The following KCTD16 variants were observed in gnomAD, a reference collection of about 807,000 sequenced individuals.
KCTD16 encodes the protein potassium channel tetramerization domain containing 16.
A neutral mutation model predicts 33.2 loss-of-function variants in KCTD16; 13 were observed. That is an observed-to-expected ratio of 0.39 (90% CI 0.25 to 0.62). The LOEUF is 0.62. Ranked by LOEUF, KCTD16 falls within the 20% of genes least tolerant of loss-of-function variation. The pLI is 0.50. For missense variants in KCTD16, 441 were observed against 525.1 expected (o/e 0.84, Z 1.57); for synonymous variants, 197 against 195.3 (o/e 1.01, Z -0.07).
At chr5:144,268,602 T>A (rs1406426009) in intron 3 of KCTD16, among the ~76,000 whole-genome samples, 4 of 152,138 alleles carry the variant, frequency 2.6e-5, no homozygotes. Flanking sequence ...ACAATAATTT[T>A]AAAAAGTAGA....
chr5:144,436,123 G>T (rs1192511450), intron 3 of KCTD16, among the ~76,000 whole-genome samples: 1 of 152,190 alleles, frequency 6.6e-6, no homozygotes, highest in Non-Finnish European at 1.5e-5. Flanking sequence ...GTGCAGATGT[G>T]ACTACAAGGT....
At chr5:144,473,574 T>G in intron 3 of KCTD16, 86 bp from the exon 4 acceptor site, 1 of 1,240,956 alleles carries the variant, frequency 8.1e-7, no homozygotes, top group South Asian at 1.5e-5. Flanking sequence ...CTCTTATGTG[T>G]GTTTCTGTGT....
At chr5:144,419,454 C>A (rs558207659) in intron 3 of KCTD16, among the ~76,000 whole-genome samples, 2 of 152,298 alleles carry the variant, frequency 1.3e-5, no homozygotes, top group East Asian at 1.9e-4. Flanking sequence ...ACAAGGTATA[C>A]TCTTGTCAAC....
At chr5:144,231,302 T>G (rs1754095318) in intron 3 of KCTD16, among the ~76,000 whole-genome samples, 1 of 152,104 alleles carries the variant, frequency 6.6e-6, no homozygotes, top group Non-Finnish European at 1.5e-5. Flanking sequence ...TGTATTTGAT[T>G]AAAAATATAG....
chr5:144,328,599 T>A (rs1389741258), intron 3 of KCTD16, among the ~76,000 whole-genome samples: 1 of 152,118 alleles, frequency 6.6e-6, no homozygotes, highest in Non-Finnish European at 1.5e-5. Flanking sequence ...CTGTTGTTTT[T>A]CATGTGCATT....
chr5:144,200,763 G>T (rs1753028886), intron 2 of KCTD16, among the ~76,000 whole-genome samples: 1 of 152,090 alleles, frequency 6.6e-6, no homozygotes, highest in Non-Finnish European at 1.5e-5. Context: ...TTTGAGGTAG[G>T]GTCTCACTCT....
chr5:144,219,513 CTTT>C (rs59442398), intron 3 of KCTD16, among the ~76,000 whole-genome samples: 9 of 77,126 alleles, frequency 1.2e-4, no homozygotes, highest in African/African-American at 5.0e-4. Context: ...TGTGCTGGGC[CTTT>C]TTTTTTTTTT....
intron 3 of KCTD16, among the ~76,000 whole-genome samples, chr5:144,404,284 G>A (rs561901567): frequency 1.3e-5 from 2 of 152,206 alleles, no homozygotes; most frequent in South Asian, 2.1e-4. Flanking sequence ...ATATAGCAAA[G>A]AGAATAGTTT....
rs984240917 is a variant in KCTD16, at chr5:144,481,457, T to A, written c.*7343T>A. The stretch of plus-strand genomic sequence containing the variant: ...TCCTTGTTTCCAAACATGTGACAAG[T>A]CTAAGCACAAGTCCTTGCTACTGAG... On this transcript the variant is annotated 3_prime_UTR_variant, in exon 4 of 4. Coordinates refer to ENST00000512467, the MANE Select transcript of KCTD16 (RefSeq NM_020768.4). The A allele has an allele frequency of 1.3e-5, 2 of 151,896 alleles. No homozygotes were observed. Among genetic ancestry groups the A allele is most frequent in the African/African-American group, 2.4e-5 (1 of 41,374 alleles). The allele number at this position is 151,896 out of a possible 1,614,324, so 9.4% of individuals were successfully genotyped here.
At chr5:144,435,695 A>ATT (rs942243407) in intron 3 of KCTD16, among the ~76,000 whole-genome samples, 1 of 152,106 alleles carries the variant, frequency 6.6e-6, no homozygotes, top group African/African-American at 2.4e-5. Flanking sequence ...AGTTGGGGTT[A>ATT]TTTACACCGC....
intron 3 of KCTD16, among the ~76,000 whole-genome samples, chr5:144,346,483 A>C (rs1293779512): frequency 6.6e-6 from 1 of 152,040 alleles, no homozygotes; most frequent in African/African-American, 2.4e-5. Flanking sequence ...AACAGTGTAC[A>C]CCGAAGATTC....
chr5:144,302,632 A>G (rs1751473005), intron 3 of KCTD16, among the ~76,000 whole-genome samples: 1 of 152,314 alleles, frequency 6.6e-6, no homozygotes, highest in Admixed American at 6.5e-5. Context: ...AGCTTCCTGA[A>G]TACTTATTAT....
rs1754719652 is a variant in KCTD16, at chr5:144,482,341, G to A, written c.*8227G>A. On this transcript the variant is annotated 3_prime_UTR_variant, in exon 4 of 4. Coordinates refer to ENST00000512467, the MANE Select transcript of KCTD16 (RefSeq NM_020768.4). ...AATAATGTTGTAGAACAAGTATCTG[G>A]TGAGTACTGATACCCTAAGAAACTC... 1 of 151,908 alleles carries A rather than the reference G, an allele frequency of 6.6e-6. No homozygotes were observed. Among genetic ancestry groups the A allele is most frequent in the South Asian group, 2.1e-4 (1 of 4,828 alleles). The allele number at this position is 151,908 out of a possible 1,614,324, so 9.4% of individuals were successfully genotyped here.
At chr5:144,198,679 G>A (rs1383001918) in intron 2 of KCTD16, among the ~76,000 whole-genome samples, 1 of 152,188 alleles carries the variant, frequency 6.6e-6, no homozygotes, top group Non-Finnish European at 1.5e-5. Context: ...GAATGAGCCA[G>A]CCTGTTCATT....
intron 3 of KCTD16, among the ~76,000 whole-genome samples, chr5:144,457,381 G>A (rs926955486): frequency 1.3e-5 from 2 of 152,196 alleles, no homozygotes; most frequent in African/African-American, 4.8e-5. Context: ...TAGGGGCACT[G>A]GAGTTAGGAA....
In KCTD16 at chr5:144,301,550, A is replaced by G. The variant is rs533475083; in HGVS notation, c.832+94004A>G. Among the ~76,000 whole-genome samples the G allele has an allele frequency of 2.6e-5, 4 of 152,192 alleles. No individual in the cohort carries two copies. In the South Asian group the frequency reaches 6.2e-4, roughly 24 times the overall value. ...CTTTCTTTGTTTCTAGCGAAATTCT[A>G]TGTATATAGTAGGTGCTTGGAAAAT... On this transcript the variant is annotated intron_variant, in intron 3 of 3. Coordinates refer to ENST00000512467, the MANE Select transcript of KCTD16 (RefSeq NM_020768.4).
intron 3 of KCTD16, among the ~76,000 whole-genome samples, chr5:144,372,965 A>G (rs993402917): frequency 2.6e-5 from 4 of 152,184 alleles, no homozygotes; most frequent in African/African-American, 9.7e-5. Context: ...TAGAAGGGTT[A>G]TAATAATCTG....
At chr5:144,319,038 T>C (rs1752003696) in intron 3 of KCTD16, among the ~76,000 whole-genome samples, 1 of 152,048 alleles carries the variant, frequency 6.6e-6, no homozygotes, top group Non-Finnish European at 1.5e-5. Context: ...AAATAACTAA[T>C]GCATGAGAAG....
intron 3 of KCTD16, among the ~76,000 whole-genome samples, chr5:144,383,857 G>T (rs962957005): frequency 2.0e-5 from 3 of 152,064 alleles, no homozygotes; most frequent in Non-Finnish European, 4.4e-5. Context: ...GGCTTAGCAG[G>T]CATTTCTGAT....
Sources: allele counts gnomAD v4.1 joint callset (sites outside exome capture counted in the v4.1 genomes callset), GRCh38; gene constraint gnomAD v4.1.1; transcripts MANE v1.5; gene names NCBI Gene and HGNC (gene_info 2026-07-23, HGNC 2026-07-21).